Variants in KCNMB2 observed in about 807,000 individuals in gnomAD.
The protein encoded by KCNMB2 is potassium calcium-activated channel subfamily M regulatory beta subunit 2.
KCNMB2 carries 9 observed loss-of-function variants against 24.5 expected under a neutral mutation model. The ratio of observed to expected loss-of-function variants is 0.37; its 90% CI spans 0.22 to 0.64. The LOEUF (loss-of-function observed/expected upper bound fraction) is 0.64. Ranked by LOEUF, KCNMB2 falls within the 30% of genes least tolerant of loss-of-function variation. The pLI, the probability that KCNMB2 is intolerant of heterozygous loss-of-function variation, is 0.63. For synonymous variants in KCNMB2, 109 were observed against 104.4 expected (o/e 1.04, Z -0.27); for missense variants, 226 against 284.3 (o/e 0.79, Z 1.47).
chr3:178,828,387 G>C lies in KCNMB2; in HGVS notation c.423+14G>C. On this transcript the variant is annotated intron_variant, in intron 4 of 4. Transcript: ENST00000452583. ...ATCAATCAGAAGGTAGGAACTTGGC[G>C]TACTGCATTTCAGTTACCCCACAGA... The C allele has an allele frequency of 1.3e-6, 2 of 1,598,146 alleles. No individual in the cohort carries two copies. The highest frequency in any genetic ancestry group is 1.7e-6 in the Non-Finnish European group (2 of 1,167,586).
rs573897635 is a variant in KCNMB2 at position 178,618,690 on chromosome 3, C to T, written c.-68+81979C>T. ...GTTTAAAAAATTCTCAATGCCCTTCCCATTTTTCCATCTTTCTACTGCTTT... is the reference window on the plus strand; with the variant it reads ...GTTTAAAAAATTCTCAATGCCCTTCTCATTTTTCCATCTTTCTACTGCTTT... On this transcript the variant is annotated intron_variant, in intron 1 of 4. Transcript: ENST00000452583. Among the ~76,000 whole-genome samples the T allele has an allele frequency of 1.6e-4, 25 of 152,296 alleles. No individual in the cohort carries two copies. In the South Asian group the frequency reaches 3.9e-3, roughly 24 times the overall value.
At chr3:178,756,322 A>C (rs1051023144) in intron 1 of KCNMB2, among the ~76,000 whole-genome samples, 2 of 151,816 alleles carry the variant, frequency 1.3e-5, no homozygotes, top group Non-Finnish European at 2.9e-5. Context: ...CATTATTTGC[A>C]TTATTTATGT....
chr3:178,818,441 C>T (rs1714492296), intron 2 of KCNMB2, among the ~76,000 whole-genome samples: 1 of 152,166 alleles, frequency 6.6e-6, no homozygotes, highest in South Asian at 2.1e-4. Flanking sequence ...TCTCCCCCAA[C>T]ACGCCCCAGT....
intron 1 of KCNMB2, among the ~76,000 whole-genome samples, chr3:178,687,516 A>C (rs1172213356): frequency 6.6e-6 from 1 of 151,170 alleles, no homozygotes; most frequent in Non-Finnish European, 1.5e-5. Flanking sequence ...GCTTATGGGA[A>C]TTAACATAAT....
intron 4 of KCNMB2, among the ~76,000 whole-genome samples, chr3:178,836,331 T>A (rs1398695275): frequency 2.0e-5 from 3 of 150,810 alleles, no homozygotes; most frequent in African/African-American, 7.3e-5. Flanking sequence ...GAAAAAAAAA[T>A]TTAGTCAGTT....
intron 1 of KCNMB2, among the ~76,000 whole-genome samples, chr3:178,787,369 A>G (rs1372779871): frequency 6.6e-6 from 1 of 152,210 alleles, no homozygotes; most frequent in African/African-American, 2.4e-5. Context: ...TACATATAGT[A>G]TGTACTGTTG....
At chr3:178,559,243 G>C (rs189354990) in intron 1 of KCNMB2, among the ~76,000 whole-genome samples, 2 of 152,236 alleles carry the variant, frequency 1.3e-5, no homozygotes, top group African/African-American at 4.8e-5. Context: ...TCACAGGGAA[G>C]TGATTTTTCT....
intron 1 of KCNMB2, among the ~76,000 whole-genome samples, chr3:178,770,665 G>A (rs1446626195): frequency 6.6e-6 from 1 of 152,162 alleles, no homozygotes; most frequent in African/African-American, 2.4e-5. Flanking sequence ...AAAAATATGT[G>A]AAAATGGTGC....
At chr3:178,813,665 TTA>T (rs1252667737) in intron 2 of KCNMB2, among the ~76,000 whole-genome samples, 2 of 152,222 alleles carry the variant, frequency 1.3e-5, no homozygotes, top group Non-Finnish European at 2.9e-5. Flanking sequence ...AGCAAATCAA[TTA>T]TGATTACTAA....
At chr3:178,670,435 T>C (rs1720862894) in intron 1 of KCNMB2, among the ~76,000 whole-genome samples, 1 of 152,158 alleles carries the variant, frequency 6.6e-6, no homozygotes, top group South Asian at 2.1e-4. Flanking sequence ...AGAATGTCTG[T>C]TAGTAATAAC....
At chr3:178,634,021 T>G (rs1456152256) in intron 1 of KCNMB2, among the ~76,000 whole-genome samples, 1 of 152,224 alleles carries the variant, frequency 6.6e-6, no homozygotes, top group Non-Finnish European at 1.5e-5. Flanking sequence ...CATCTGAGAC[T>G]ACCTTGGCCT....
At chr3:178,565,261 C>G (rs966527533) in intron 1 of KCNMB2, among the ~76,000 whole-genome samples, 1 of 152,068 alleles carries the variant, frequency 6.6e-6, no homozygotes, top group African/African-American at 2.4e-5. Flanking sequence ...AGAAAAGTAC[C>G]ATTCCATTAA....
chr3:178,543,714 A>G (rs1001983413), intron 1 of KCNMB2, among the ~76,000 whole-genome samples: 37 of 152,110 alleles, frequency 2.4e-4, no homozygotes, highest in African/African-American at 8.9e-4. Context: ...TAATGGTTGA[A>G]TTTTGGGGGA....
intron 1 of KCNMB2, among the ~76,000 whole-genome samples, chr3:178,722,366 A>C (rs1224870131): frequency 6.6e-6 from 1 of 152,212 alleles, no homozygotes; most frequent in Non-Finnish European, 1.5e-5. Flanking sequence ...TTTATTTCTC[A>C]CAGCTCTGGA....
At chr3:178,758,016 T>G (rs371424087) in intron 1 of KCNMB2, among the ~76,000 whole-genome samples, 1 of 1,638 alleles carries the variant, frequency 6.1e-4, no homozygotes, top group African/African-American at 1.3e-3. Flanking sequence ...TATATATATA[T>G]ATATCTAGAG....
At chr3:178,736,787 T>C (rs1265328820) in intron 1 of KCNMB2, among the ~76,000 whole-genome samples, 1 of 152,256 alleles carries the variant, frequency 6.6e-6, no homozygotes, top group Non-Finnish European at 1.5e-5. Context: ...GTTTAATGTT[T>C]TAAATTAATT....
rs191806037 is a variant in KCNMB2, at chr3:178,689,458, A to G, written c.-67-117885A>G. 2.0e-5 allele frequency among the ~76,000 whole-genome samples: 3 copies of G among 152,246 alleles called. No homozygotes were observed. In the East Asian group the frequency reaches 5.8e-4, roughly 29 times the overall value. Reference sequence around the variant, plus strand: ...AGACCATCCTGGCTAACAAGGTGAAATCCCGTCTCTACTAAAAATACAAAA... The same window carrying G: ...AGACCATCCTGGCTAACAAGGTGAAGTCCCGTCTCTACTAAAAATACAAAA... On this transcript the variant is annotated intron_variant, in intron 1 of 4. Transcript: ENST00000452583.
At chr3:178,761,910 G>A (rs530772012) in intron 1 of KCNMB2, among the ~76,000 whole-genome samples, 4 of 152,296 alleles carry the variant, frequency 2.6e-5, no homozygotes, top group Non-Finnish European at 4.4e-5. Context: ...GGTGGTTCAC[G>A]CCTGTAACCG....
At chr3:178,765,487 G>T (rs1712077054) in intron 1 of KCNMB2, among the ~76,000 whole-genome samples, 1 of 152,034 alleles carries the variant, frequency 6.6e-6, no homozygotes, top group African/African-American at 2.4e-5. Context: ...TTTTTAAAAA[G>T]GTGTTTACTT....
Sources: allele counts gnomAD v4.1 joint callset (sites outside exome capture counted in the v4.1 genomes callset), GRCh38; gene constraint gnomAD v4.1.1; transcripts MANE v1.5; gene names NCBI Gene and HGNC (gene_info 2026-07-23, HGNC 2026-07-21).